RALGAPA2: variants seen among roughly 807,000 people sequenced by gnomAD.
RALGAPA2 encodes Ral GTPase activating protein catalytic subunit alpha 2, also known as ral GTPase-activating protein subunit alpha-2.
A neutral mutation model predicts 230.4 loss-of-function variants in RALGAPA2; 139 were observed. That is an observed-to-expected ratio of 0.60 (90% CI 0.53 to 0.69). The LOEUF (loss-of-function observed/expected upper bound fraction) is 0.69, where lower values mean the gene tolerates loss of function less well. Among genes scored for constraint, RALGAPA2 ranks in the 30% least tolerant of loss-of-function variants. The pLI is 0.00. For synonymous variants in RALGAPA2, 847 were observed against 837.8 expected (o/e 1.01, Z -0.19); for missense variants, 2,163 against 2,276.0 (o/e 0.95, Z 1.01).
At chr20:20,501,428 T>A (rs1180436231) in intron 35 of RALGAPA2, among the ~76,000 whole-genome samples, 1 of 152,234 alleles carries the variant, frequency 6.6e-6, no homozygotes, top group Non-Finnish European at 1.5e-5. Context: ...TCAAACTTCA[T>A]GAACCAACCT....
At chr20:20,449,775 T>C (rs986665597) in intron 37 of RALGAPA2, among the ~76,000 whole-genome samples, 7 of 152,216 alleles carry the variant, frequency 4.6e-5, no homozygotes, top group African/African-American at 1.4e-4. Flanking sequence ...TATAAATATA[T>C]GCTGTTGTCT....
intron 4 of RALGAPA2, among the ~76,000 whole-genome samples, chr20:20,644,803 C>T (rs1218151271): frequency 1.3e-5 from 2 of 152,240 alleles, no homozygotes; most frequent in Non-Finnish European, 2.9e-5. Context: ...CACCTTTCCT[C>T]AACCTGGGGC....
At chr20:20,532,789 T>C (rs547775037) in intron 26 of RALGAPA2, among the ~76,000 whole-genome samples, 1 of 152,220 alleles carries the variant, frequency 6.6e-6, no homozygotes, top group South Asian at 2.1e-4. Context: ...CTAACATTCA[T>C]CAGAGATTAG....
chr20:20,412,694 A>G (rs1056004312), intron 37 of RALGAPA2, among the ~76,000 whole-genome samples: 11 of 152,342 alleles, frequency 7.2e-5, no homozygotes, highest in Admixed American at 6.5e-4. Context: ...ACATTGGAAA[A>G]TAAGAACTAC....
intron 16 of RALGAPA2, among the ~76,000 whole-genome samples, chr20:20,595,518 C>G (rs1331142635): frequency 6.6e-6 from 1 of 152,122 alleles, no homozygotes; most frequent in Admixed American, 6.5e-5. Flanking sequence ...GTTTGCCATA[C>G]CATTCCAATA....
chr20:20,578,588 G>C (rs1244199547), intron 20 of RALGAPA2, among the ~76,000 whole-genome samples: 1 of 152,182 alleles, frequency 6.6e-6, no homozygotes, highest in East Asian at 1.9e-4. Flanking sequence ...AGTCTTGGTA[G>C]TTGGCAAAAT....
intron 37 of RALGAPA2, among the ~76,000 whole-genome samples, chr20:20,435,678 G>A (rs1437129865): frequency 6.6e-6 from 1 of 152,200 alleles, no homozygotes; most frequent in Non-Finnish European, 1.5e-5. Flanking sequence ...GGCACAGTGT[G>A]ATTTTTAGCA....
At position 20,423,653 on chromosome 20, in the gene RALGAPA2, A is replaced by C. The variant is rs548899966; in HGVS notation, c.5496-11505T>G. On this transcript the variant is annotated intron_variant, in intron 37 of 39. Coordinates refer to ENST00000202677, the MANE Select transcript of RALGAPA2 (RefSeq NM_020343.4). ...TGCCAGTTACATCCTAAAGCCATAC[A>C]TCATTTTCACAAGATTTTATCTCTC... is the stretch of plus-strand genomic sequence containing the variant. Among the ~76,000 whole-genome samples the C allele has an allele frequency of 2.0e-5, 3 of 152,346 alleles. No homozygotes were observed. The East Asian group carries it at 5.8e-4, about 29-fold the overall frequency.
intron 37 of RALGAPA2, among the ~76,000 whole-genome samples, chr20:20,464,648 T>C (rs1480221504): frequency 2.0e-5 from 3 of 152,250 alleles, no homozygotes; most frequent in African/African-American, 4.8e-5. Context: ...ACTTCCTTTA[T>C]AGTGATCTCA....
intron 3 of RALGAPA2, among the ~76,000 whole-genome samples, chr20:20,666,432 G>A (rs2067957704): frequency 6.6e-6 from 1 of 152,182 alleles, no homozygotes; most frequent in African/African-American, 2.4e-5. Context: ...AGAAGAATCT[G>A]CTTTTCTTGT....
intron 18 of RALGAPA2, among the ~76,000 whole-genome samples, chr20:20,588,513 G>C (rs2065196718): frequency 6.6e-6 from 1 of 152,210 alleles, no homozygotes; most frequent in African/African-American, 2.4e-5. Context: ...AGATAGCAGA[G>C]AGAGGGAACA....
intron 8 of RALGAPA2, among the ~76,000 whole-genome samples, 184 bp downstream of exon 8, chr20:20,637,179 T>C (rs957591629): frequency 6.6e-6 from 1 of 152,258 alleles, no homozygotes; most frequent in Non-Finnish European, 1.5e-5. Context: ...AGCTGAGGTA[T>C]ATCTTAGTTG....
intron 24 of RALGAPA2, among the ~76,000 whole-genome samples, chr20:20,537,547 G>C (rs2063528446): frequency 6.7e-6 from 1 of 149,554 alleles, no homozygotes; most frequent in South Asian, 2.1e-4. Flanking sequence ...TTGAACCCAG[G>C]AGATGGAGGT....
intron 27 of RALGAPA2, among the ~76,000 whole-genome samples, chr20:20,528,488 C>T (rs141959678): frequency 6.6e-6 from 1 of 152,196 alleles, no homozygotes; most frequent in East Asian, 1.9e-4. Context: ...TCAGGAAGTA[C>T]AGCTGGCAGG....
At chr20:20,414,137 G>A (rs1484508519) in intron 37 of RALGAPA2, among the ~76,000 whole-genome samples, 4 of 152,232 alleles carry the variant, frequency 2.6e-5, no homozygotes, top group Non-Finnish European at 5.9e-5. Flanking sequence ...TGAGCGAGGC[G>A]TGACAAATTA....
rs571721055 is a variant in RALGAPA2, at chr20:20,593,489, G to C, written c.2204-2175C>G. Among the ~76,000 whole-genome samples the C allele has an allele frequency of 9.2e-5, 14 of 152,292 alleles. No individual in the cohort carries two copies. The South Asian group carries it at 1.2e-3, about 14-fold the overall frequency. On this transcript the variant is annotated intron_variant, in intron 16 of 39. Coordinates refer to ENST00000202677, the MANE Select transcript of RALGAPA2 (RefSeq NM_020343.4). ...GCAACAGAAGCCAAATAACACCATA[G>C]GGCCAGCCCTTCCGGCTGTCTTCTC...
At chr20:20,465,162 C>CACACACACAT (rs1308222767) in intron 37 of RALGAPA2, among the ~76,000 whole-genome samples, 1 of 147,118 alleles carries the variant, frequency 6.8e-6, no homozygotes, top group Non-Finnish European at 1.5e-5. Flanking sequence ...CACACACACA[C>CACACACACAT]ACACACACAC....
intron 24 of RALGAPA2, among the ~76,000 whole-genome samples, chr20:20,541,770 T>C (rs2063649016): frequency 6.6e-6 from 1 of 152,276 alleles, no homozygotes. Context: ...TAGCCAACTG[T>C]ATATCTGTAA....
intron 37 of RALGAPA2, 146 bp from the exon 38 acceptor site, chr20:20,412,294 T>C (rs1416303296): frequency 1.7e-6 from 2 of 1,143,846 alleles, no homozygotes; most frequent in Non-Finnish European, 2.5e-6. Flanking sequence ...AAATTAAGTA[T>C]TAGTCATAAT....
Sources: gnomAD v4.1 joint callset for allele counts (sites outside exome capture counted in the v4.1 genomes callset) on GRCh38, gnomAD v4.1.1 for gene constraint, MANE v1.5 for transcripts, NCBI Gene and HGNC (gene_info 2026-07-23, HGNC 2026-07-21) for gene names.